Variants in PRKCH observed in about 807,000 individuals in gnomAD.
The protein encoded by PRKCH is protein kinase C eta, also known as protein kinase C eta type.
Under a neutral mutation model 82.5 loss-of-function variants are expected in PRKCH, and 28 were observed. The observed-to-expected ratio is 0.34, with a 90% CI of 0.25 to 0.47. The LOEUF (loss-of-function observed/expected upper bound fraction) is 0.47. PRKCH is among the 20% of genes least tolerant of loss of function. The pLI, the probability that PRKCH is intolerant of heterozygous loss-of-function variation, is 1.00. For synonymous variants in PRKCH, 322 were observed against 327.4 expected (o/e 0.98, Z 0.18); for missense variants, 705 against 881.8 (o/e 0.80, Z 2.54).
intron 10 of PRKCH, among the ~76,000 whole-genome samples, chr14:61,506,239 C>T (rs980393716): frequency 1.3e-5 from 2 of 152,170 alleles, no homozygotes; most frequent in African/African-American, 4.8e-5. Context: ...GTGCAATCTA[C>T]TGGAAAATCT....
At chr14:61,200,320 C>T (rs1039785202) in intron 1 of PRKCH, among the ~76,000 whole-genome samples, 7 of 152,170 alleles carry the variant, frequency 4.6e-5, no homozygotes, top group Middle Eastern at 3.4e-3. Flanking sequence ...ATTATAATTC[C>T]CTCTACCAGT....
chr14:61,375,730 C>T (rs557455629), intron 1 of PRKCH, among the ~76,000 whole-genome samples: 56 of 152,102 alleles, frequency 3.7e-4, no homozygotes, highest in Non-Finnish European at 4.7e-4. Context: ...TCCCAGCAGG[C>T]CCCTTCCCCA....
intron 2 of PRKCH, among the ~76,000 whole-genome samples, chr14:61,437,013 T>A (rs1027632779): frequency 6.6e-6 from 1 of 152,264 alleles, no homozygotes; most frequent in Non-Finnish European, 1.5e-5. Context: ...CTCCTGTGAT[T>A]TATTCGCTCA....
intron 2 of PRKCH, among the ~76,000 whole-genome samples, chr14:61,417,386 G>A (rs977332120): frequency 2.6e-5 from 4 of 152,148 alleles, no homozygotes; most frequent in African/African-American, 9.7e-5. Flanking sequence ...GATTTCTAGG[G>A]CTGTCAGTGC....
chr14:61,303,455 A>G (rs1454431917), intron 1 of PRKCH: 1 of 152,182 alleles, frequency 6.6e-6, no homozygotes, highest in Non-Finnish European at 1.5e-5. Context: ...TTCAACTTTG[A>G]TAATTCTTTT....
rs1170634010 is a variant in PRKCH, at chr14:61,188,611, GGTGTGTGTGTGTGTGT to G, written c.-19+972_-19+987del. Among the ~76,000 whole-genome samples the G allele has an allele frequency of 5.3e-4, 27 of 51,028 alleles. 1 individual carries two copies. The East Asian group carries it at 0.01, about 19-fold the overall frequency. The allele number at this position is 51,028 out of a possible 152,430, so 33.5% of individuals were successfully genotyped here. A position where few individuals can be genotyped will look rare whatever the true frequency, so the allele number is the denominator to read the frequency against. On this transcript the variant is annotated intron_variant, in intron 1 of 3. Transcript: ENST00000555185. Reference sequence around the variant, plus strand: ...TGTCGGGGGGGTGGGGGGGTGGTGTGGTGTGTGTGTGTGTGTGTGTGTGTGTGTGTGTGTGTGTGTG... The same window carrying G: ...TGTCGGGGGGGTGGGGGGGTGGTGTGGTGTGTGTGTGTGTGTGTGTGTGTG...
intron 1 of PRKCH, chr14:61,277,364 C>T (rs1167772393): frequency 6.6e-6 from 1 of 152,166 alleles, no homozygotes; most frequent in Admixed American, 6.5e-5. Flanking sequence ...TCACCAACTA[C>T]TTTACTTTCT....
At position 61,281,099 on chromosome 14, in the gene PRKCH, C is replaced by T. The variant is rs2045260941; in HGVS notation, c.-19+93431C>T. The stretch of plus-strand genomic sequence containing the variant: ...GCGGGGAGGCGCTGCTGAGTGAAGG[C>T]GGTGTTGTCGGGCTGGTGGGCGCCC... On this transcript the variant is annotated intron_variant, in intron 1 of 3. Coordinates refer to the PRKCH transcript ENST00000555185. The T allele has an allele frequency of 2.0e-6, 3 of 1,475,986 alleles. No homozygotes were observed. In the Admixed American group the frequency reaches 7.1e-5, roughly 35 times the overall value. The allele number at this position is 1,475,986 out of a possible 1,614,324, so 91.4% of individuals were successfully genotyped here. A position where few individuals can be genotyped will look rare whatever the true frequency, so the allele number is the denominator to read the frequency against.
At chr14:61,201,784 C>T (rs1375308164) in intron 1 of PRKCH, among the ~76,000 whole-genome samples, 1 of 151,948 alleles carries the variant, frequency 6.6e-6, no homozygotes, top group Non-Finnish European at 1.5e-5. Flanking sequence ...TTTTTTAAAG[C>T]ACTATTCAAG....
chr14:61,519,089 C>T (rs1487092073), intron 10 of PRKCH, among the ~76,000 whole-genome samples: 1 of 152,114 alleles, frequency 6.6e-6, no homozygotes, highest in Non-Finnish European at 1.5e-5. Flanking sequence ...TTGGGACCAG[C>T]CTGGGCAATA....
chr14:61,482,958 G>A (rs1408323144), intron 9 of PRKCH, among the ~76,000 whole-genome samples: 1 of 152,228 alleles, frequency 6.6e-6, no homozygotes, highest in South Asian at 2.1e-4. Context: ...CTAAGGAATG[G>A]CCACTTCCCC....
intron 10 of PRKCH, among the ~76,000 whole-genome samples, chr14:61,505,346 A>AG: frequency 1.3e-5 from 2 of 148,152 alleles, no homozygotes; most frequent in East Asian, 4.1e-4. Context: ...CACATGGTGG[A>AG]AGCCGTGAGA....
At chr14:61,461,903 A>T (rs181077320) in intron 9 of PRKCH, among the ~76,000 whole-genome samples, 1 of 152,108 alleles carries the variant, frequency 6.6e-6, no homozygotes, top group Non-Finnish European at 1.5e-5. Context: ...ATTGAAGTCT[A>T]TTTTTCCTAG....
rs143847893 is a variant in PRKCH, at chr14:61,504,949, A to G, written c.1433+19293A>G. On this transcript the variant is annotated intron_variant, in intron 10 of 13. Coordinates refer to ENST00000332981, the MANE Select transcript of PRKCH (RefSeq NM_006255.5). ...CCTATTTTTTGCCTGGAGATATAAT[A>G]GTGACCACAATAGGCCTGCTCCCTG... 4.5e-3 allele frequency among the ~76,000 whole-genome samples: 682 copies of G among 152,326 alleles called. 7 individuals carry two copies. The highest frequency in any genetic ancestry group is 4.8e-3 in the Non-Finnish European group (324 of 68,030).
intron 9 of PRKCH, chr14:61,477,347 A>G (rs1198547847): frequency 6.6e-6 from 1 of 152,250 alleles, no homozygotes; most frequent in Non-Finnish European, 1.5e-5. Context: ...AATTATTTCC[A>G]AAAGGTAATC....
intron 1 of PRKCH, among the ~76,000 whole-genome samples, chr14:61,252,370 T>A (rs1399416662): frequency 6.6e-6 from 1 of 152,190 alleles, no homozygotes; most frequent in Non-Finnish European, 1.5e-5. Context: ...CCCACAGATT[T>A]GGGATCTGGT....
chr14:61,204,027 C>T (rs1051498727), intron 1 of PRKCH, among the ~76,000 whole-genome samples: 5 of 151,906 alleles, frequency 3.3e-5, no homozygotes, highest in African/African-American at 1.2e-4. Flanking sequence ...GAAACTGCTT[C>T]GGGGTCCCCA....
rs1594806428 is a variant in PRKCH at position 61,549,911 on chromosome 14, C to T, written c.*80C>T. The T allele has an allele frequency of 6.9e-7, 1 of 1,456,994 alleles. No individual in the cohort carries two copies. The highest frequency in any genetic ancestry group is 1.8e-4 in the Middle Eastern group (1 of 5,548). 90.3% of individuals were successfully genotyped at this position (1,456,994 alleles called of 1,614,324 possible). ...CAGGAATTTCCTCTATGGGACCTTC[C>T]CAGCATCAGCCTTAGAACAAGAACC... On this transcript the variant is annotated 3_prime_UTR_variant, in exon 14 of 14. Transcript: ENST00000332981.
At chr14:61,471,034 A>G (rs905936401) in intron 9 of PRKCH, among the ~76,000 whole-genome samples, 2 of 152,172 alleles carry the variant, frequency 1.3e-5, no homozygotes, top group Non-Finnish European at 2.9e-5. Flanking sequence ...GACCTTCTAC[A>G]ATCATATCTA....
Sources: allele counts gnomAD v4.1 joint callset (sites outside exome capture counted in the v4.1 genomes callset), GRCh38; gene constraint gnomAD v4.1.1; transcripts MANE v1.5; gene names NCBI Gene and HGNC (gene_info 2026-07-23, HGNC 2026-07-21).